The following BCAS1 variants were observed in gnomAD, a reference collection of about 807,000 sequenced individuals.
BCAS1 encodes the protein brain enriched myelin associated protein 1, also known as breast carcinoma-amplified sequence 1.
In BCAS1, 46 loss-of-function variants were observed where a neutral mutation model predicts 65.4. The observed-to-expected ratio is 0.70, with a 90% CI of 0.55 to 0.90. The LOEUF (loss-of-function observed/expected upper bound fraction) is 0.90, where lower values mean the gene tolerates loss of function less well. Among genes scored for constraint, BCAS1 ranks in the 40% least tolerant of loss-of-function variants. The probability of loss-of-function intolerance (pLI) is 0.00; values close to 1 mark genes in which losing one functional copy is unlikely to be tolerated. For synonymous variants in BCAS1, 298 were observed against 293.5 expected, an observed-to-expected ratio of 1.02 and a Z score of -0.16; for missense variants, 793 against 771.2, an observed-to-expected ratio of 1.03 and a Z score of -0.33.
chr20:54,046,045 A>T (rs929941469), intron 3 of BCAS1, among the ~76,000 whole-genome samples: 2 of 152,242 alleles, frequency 1.3e-5, no homozygotes, highest in Admixed American at 1.3e-4. Context: ...CAAAACAACA[A>T]TAACAGAAAA....
At chr20:53,986,484 C>T (rs553151184) in intron 7 of BCAS1, among the ~76,000 whole-genome samples, 1 of 152,290 alleles carries the variant, frequency 6.6e-6, no homozygotes, top group East Asian at 1.9e-4. Context: ...TAATCCTAAA[C>T]ATCTTCATTT....
intron 6 of BCAS1, among the ~76,000 whole-genome samples, chr20:53,993,735 C>T (rs1247839974): frequency 6.6e-6 from 1 of 152,226 alleles, no homozygotes; most frequent in East Asian, 1.9e-4. Flanking sequence ...CCCAACCATT[C>T]ATTGAACTTG....
At chr20:54,066,727 C>A in intron 1 of BCAS1, among the ~76,000 whole-genome samples, 1 of 152,210 alleles carries the variant, frequency 6.6e-6, no homozygotes, top group East Asian at 1.9e-4. Flanking sequence ...CGGCCAGAAC[C>A]TTGATCTTGG....
At position 54,028,617 on chromosome 20, in the gene BCAS1, G is replaced by A. The variant is rs746435166; in HGVS notation, c.498C>T (p.Ala166=). ...HAPAQDKVLS[A]ARDPTLLPPE... ...GTGGGAGAAGCGTGGGATCCCTGGC[G>A]GCAGAGAGGACCTTGTCTTGGGCCG... is the stretch of plus-strand genomic sequence containing the variant. Residue 166 remains alanine (A), a synonymous_variant, in exon 4 of 13, where the codon GCC becomes GCT. Coordinates refer to ENST00000688948, the MANE Select transcript of BCAS1 (RefSeq NM_001366298.2). 16 of 1,614,040 alleles carry A rather than the reference G, an allele frequency of 9.9e-6. No individual in the cohort carries two copies. The highest frequency in any genetic ancestry group is 1.6e-4 in the Middle Eastern group (1 of 6,084).
intron 10 of BCAS1, among the ~76,000 whole-genome samples, chr20:53,963,654 T>A (rs1465676577): frequency 6.6e-6 from 1 of 152,174 alleles, no homozygotes; most frequent in Non-Finnish European, 1.5e-5. Context: ...AACGTTTATT[T>A]ATTTGGCTCA....
intron 9 of BCAS1, among the ~76,000 whole-genome samples, chr20:53,968,959 C>A (rs1357979696): frequency 6.6e-6 from 1 of 152,218 alleles, no homozygotes; most frequent in Non-Finnish European, 1.5e-5. Flanking sequence ...GGCAATAGAG[C>A]ATGGACATGG....
At chr20:54,058,536 A>C in intron 2 of BCAS1, 111 bp downstream of exon 2, 1 of 1,511,016 alleles carries the variant, frequency 6.6e-7, no homozygotes, top group Non-Finnish European at 8.8e-7. Flanking sequence ...GCACACACAG[A>C]CACAATCAAT....
intron 9 of BCAS1, among the ~76,000 whole-genome samples, chr20:53,974,902 G>T (rs1057207750): frequency 4.6e-5 from 7 of 152,174 alleles, no homozygotes; most frequent in African/African-American, 9.7e-5. Context: ...AGGTAGACCC[G>T]TCAAGTCAGC....
At chr20:54,034,829 C>G (rs1249097340) in intron 3 of BCAS1, among the ~76,000 whole-genome samples, 1 of 151,180 alleles carries the variant, frequency 6.6e-6, no homozygotes, top group East Asian at 1.9e-4. Context: ...ATTGCTAAGG[C>G]AATCCTAAGC....
chr20:54,009,370 A>C (rs915237563), intron 4 of BCAS1, among the ~76,000 whole-genome samples: 6 of 152,140 alleles, frequency 3.9e-5, no homozygotes, highest in Non-Finnish European at 7.3e-5. Flanking sequence ...GACAACAAAA[A>C]AGAGAGAGCA....
chr20:53,963,171 A>G lies in BCAS1; in HGVS notation c.1485+3735T>C, dbSNP rs185890908. 4.9e-3 allele frequency among the ~76,000 whole-genome samples: 735 copies of G among 151,458 alleles called. 6 individuals carry two copies. Among genetic ancestry groups the G allele is most frequent in the African/African-American group, 0.016 (677 of 41,370 alleles). On this transcript the variant is annotated intron_variant, in intron 10 of 12. Coordinates refer to ENST00000688948, the MANE Select transcript of BCAS1 (RefSeq NM_001366298.2). ...GGCCTCTATTTTTATTTTTATGAGC[A>G]GTAAATTTCTAGAGAGAAAAAGATC...
intron 1 of BCAS1, chr20:54,068,545 T>C (rs290446): frequency 0.5 from 76,950 of 152,514 alleles, 21,150 homozygotes; most frequent in East Asian, 0.6. Flanking sequence ...TCACACACAT[T>C]GTCTCCTTTT....
At chr20:54,003,512 G>A (rs2041229761) in intron 4 of BCAS1, among the ~76,000 whole-genome samples, 1 of 152,188 alleles carries the variant, frequency 6.6e-6, no homozygotes, top group Non-Finnish European at 1.5e-5. Context: ...TCAGCACTCA[G>A]TTGGTACTTA....
chr20:53,953,649 G>C lies in BCAS1; in HGVS notation c.1598C>G (p.Pro533Arg), dbSNP rs1568804361. The C allele has an allele frequency of 6.2e-7, 1 of 1,613,712 alleles. No individual in the cohort carries two copies. Among genetic ancestry groups the C allele is most frequent in the African/African-American group, 1.3e-5 (1 of 74,792 alleles). The change falls in exon 12 of 13, where the codon CCA becomes CGA. Residue 533 changes from proline to arginine, a missense_variant. Physicochemically the swap from Pro to Arg is moderately radical, Grantham distance 103 (BLOSUM62 -2). Coordinates refer to ENST00000688948, the MANE Select transcript of BCAS1 (RefSeq NM_001366298.2). ...EKTITPPEPE[P>R]TGAPQKGKEG... ...TTTACCCTTCTGTGGTGCTCCTGTT[G>C]GTTCAGGCTCTGGCGGTGTGATAGT...
intron 12 of BCAS1, among the ~76,000 whole-genome samples, chr20:53,947,965 G>A (rs916002135): frequency 3.3e-5 from 5 of 152,136 alleles, no homozygotes; most frequent in Admixed American, 6.5e-5. Flanking sequence ...TGTGACGTCA[G>A]CACCATTCAC....
chr20:53,951,554 A>C (rs1260244045), intron 12 of BCAS1, among the ~76,000 whole-genome samples: 1 of 152,296 alleles, frequency 6.6e-6, no homozygotes, highest in Admixed American at 6.5e-5. Flanking sequence ...TTGCTACTCA[A>C]AGTGTGATCC....
intron 12 of BCAS1, among the ~76,000 whole-genome samples, chr20:53,948,106 C>T (rs1380095001): frequency 1.3e-5 from 2 of 152,196 alleles, no homozygotes; most frequent in African/African-American, 4.8e-5. Flanking sequence ...AGGCTGGCCA[C>T]GGGTGGCAGC....
chr20:53,949,805 G>A (rs539100093), intron 12 of BCAS1, among the ~76,000 whole-genome samples: 1 of 152,296 alleles, frequency 6.6e-6, no homozygotes, highest in Non-Finnish European at 1.5e-5. Flanking sequence ...AGGTGTGGCA[G>A]AAGCAGTCCC....
intron 9 of BCAS1, among the ~76,000 whole-genome samples, chr20:53,971,943 T>A (rs1030858229): frequency 2.0e-5 from 3 of 152,238 alleles, no homozygotes; most frequent in Non-Finnish European, 4.4e-5. Flanking sequence ...AAGATTTATT[T>A]CTGATAGGAC....
Sources: gnomAD v4.1 joint callset for allele counts (sites outside exome capture counted in the v4.1 genomes callset) on GRCh38, gnomAD v4.1.1 for gene constraint, MANE v1.5 for transcripts, NCBI Gene and HGNC (gene_info 2026-07-23, HGNC 2026-07-21) for gene names.